The following CA10 variants were observed in gnomAD, a reference collection of about 807,000 sequenced individuals.
CA10 encodes carbonic anhydrase-related protein 10.
CA10 carries 14 observed loss-of-function variants against 44.2 expected under a neutral mutation model. The observed-to-expected ratio is 0.32, with a 90% CI of 0.21 to 0.50. The LOEUF (loss-of-function observed/expected upper bound fraction) is 0.50. Among genes scored for constraint, CA10 ranks in the 20% least tolerant of loss-of-function variants. The pLI, the probability that CA10 is intolerant of heterozygous loss-of-function variation, is 0.99. For missense variants in CA10, 350 were observed against 409.7 expected (o/e 0.85, Z 1.26); for synonymous variants, 159 against 141.6 (o/e 1.12, Z -0.87).
chr17:52,045,544 A>T (rs1417050791), intron 2 of CA10, among the ~76,000 whole-genome samples: 5 of 152,030 alleles, frequency 3.3e-5, no homozygotes, highest in African/African-American at 1.2e-4. Flanking sequence ...AGCCAAGAGG[A>T]GGGCAATGGA....
intron 2 of CA10, among the ~76,000 whole-genome samples, chr17:52,039,725 T>C (rs2144188911): frequency 6.6e-6 from 1 of 152,250 alleles, no homozygotes; most frequent in East Asian, 1.9e-4. Flanking sequence ...CTTTTAATCA[T>C]ATGCTAAGTG....
intron 1 of CA10, among the ~76,000 whole-genome samples, chr17:52,083,402 A>G (rs1193439778): frequency 6.6e-6 from 1 of 152,222 alleles, no homozygotes; most frequent in Non-Finnish European, 1.5e-5. Context: ...GAATTATTTC[A>G]TCTCTTTTTA....
chr17:51,799,024 C>T (rs1383616445), intron 3 of CA10, among the ~76,000 whole-genome samples: 1 of 152,086 alleles, frequency 6.6e-6, no homozygotes, highest in Non-Finnish European at 1.5e-5. Flanking sequence ...AAGTTTTGTC[C>T]CACAAACTCT....
chr17:52,136,731 A>G (rs1479912347), intron 1 of CA10, among the ~76,000 whole-genome samples: 4 of 152,180 alleles, frequency 2.6e-5, no homozygotes, highest in African/African-American at 9.7e-5. Flanking sequence ...TACAACACGT[A>G]TTAACATAAA....
intron 3 of CA10, among the ~76,000 whole-genome samples, chr17:51,875,412 C>T (rs1394476809): frequency 6.6e-6 from 1 of 152,204 alleles, no homozygotes; most frequent in Non-Finnish European, 1.5e-5. Context: ...ACACTTAACA[C>T]TTTCAAGAGT....
chr17:52,122,364 C>T (rs1989031556), intron 1 of CA10, among the ~76,000 whole-genome samples: 1 of 152,024 alleles, frequency 6.6e-6, no homozygotes, highest in Admixed American at 6.5e-5. Flanking sequence ...CATTTTAAAG[C>T]CTAAGACAAA....
At chr17:51,968,332 G>C (rs934136437) in intron 2 of CA10, among the ~76,000 whole-genome samples, 3 of 151,812 alleles carry the variant, frequency 2.0e-5, no homozygotes, top group African/African-American at 7.2e-5. Context: ...AGTGGATAAA[G>C]AAACAGTGGT....
At chr17:51,929,681 G>A (rs748045046) in intron 3 of CA10, among the ~76,000 whole-genome samples, 1 of 116,106 alleles carries the variant, frequency 8.6e-6, no homozygotes, top group African/African-American at 3.2e-5. Context: ...GAACTCACAC[G>A]TGTTCACGAC....
intron 3 of CA10, among the ~76,000 whole-genome samples, chr17:51,895,066 T>C (rs945516918): frequency 6.6e-6 from 1 of 152,100 alleles, no homozygotes; most frequent in African/African-American, 2.4e-5. Context: ...TTCTCATCAC[T>C]GAGCCCATTA....
intron 2 of CA10, among the ~76,000 whole-genome samples, chr17:51,960,700 C>G (rs760592352): frequency 6.6e-6 from 1 of 151,962 alleles, no homozygotes; most frequent in Admixed American, 6.6e-5. Flanking sequence ...CAAAATTAAA[C>G]TAGAAATCAA....
At chr17:52,029,268 C>G (rs1019222039) in intron 2 of CA10, among the ~76,000 whole-genome samples, 3 of 152,058 alleles carry the variant, frequency 2.0e-5, no homozygotes, top group Admixed American at 2.0e-4. Context: ...TTAGGTAGAT[C>G]ATCATAGGAG....
chr17:51,681,583 CCTAA>C (rs973825729), intron 4 of CA10, among the ~76,000 whole-genome samples: 25 of 152,254 alleles, frequency 1.6e-4, no homozygotes, highest in African/African-American at 6.0e-4. Flanking sequence ...TCATGACAAC[CCTAA>C]CTGTCTCTAG....
At chr17:51,704,965 T>TA (rs768498016) in intron 4 of CA10, among the ~76,000 whole-genome samples, 5,515 of 129,262 alleles carry the variant, frequency 0.043, 132 homozygotes, top group African/African-American at 0.075. Context: ...CGACTCTGTC[T>TA]AAAAAAAAAA....
At chr17:51,894,219 A>AG (rs1980976856) in intron 3 of CA10, among the ~76,000 whole-genome samples, 1 of 152,096 alleles carries the variant, frequency 6.6e-6, no homozygotes, top group African/African-American at 2.4e-5. Context: ...CTCCAAGATC[A>AG]GGGGGCAGAG....
At chr17:51,782,425 C>T (rs1177274363) in intron 3 of CA10, among the ~76,000 whole-genome samples, 1 of 152,168 alleles carries the variant, frequency 6.6e-6, no homozygotes, top group East Asian at 1.9e-4. Flanking sequence ...TAGGGATCTT[C>T]ATGGAGAAAA....
chr17:51,908,587 C>G (rs1282211944), intron 3 of CA10, among the ~76,000 whole-genome samples: 1 of 72,650 alleles, frequency 1.4e-5, no homozygotes, highest in Non-Finnish European at 3.0e-5. Flanking sequence ...TTCTTGACTT[C>G]CACTTTAGAC....
At chr17:52,113,847 T>A (rs1954002114) in intron 1 of CA10, among the ~76,000 whole-genome samples, 2 of 152,224 alleles carry the variant, frequency 1.3e-5, no homozygotes. Flanking sequence ...TGTTAATCAG[T>A]CGCTGAACCT....
intron 2 of CA10, among the ~76,000 whole-genome samples, chr17:52,026,554 A>G (rs1344843542): frequency 6.6e-6 from 1 of 152,114 alleles, no homozygotes; most frequent in African/African-American, 2.4e-5. Flanking sequence ...TTATAAAGGA[A>G]AGAGGTTTCA....
At chr17:52,146,092 C>A (rs1811887772) in intron 1 of CA10, among the ~76,000 whole-genome samples, 1 of 152,098 alleles carries the variant, frequency 6.6e-6, no homozygotes, top group Non-Finnish European at 1.5e-5. Flanking sequence ...TAATTGTTCG[C>A]AAACCATTTT....
Sources: allele counts gnomAD v4.1 joint callset (sites outside exome capture counted in the v4.1 genomes callset), GRCh38; gene constraint gnomAD v4.1.1; transcripts MANE v1.5; gene names NCBI Gene and HGNC (gene_info 2026-07-23, HGNC 2026-07-21).